Variants in KIAA1549L observed in about 807,000 individuals in gnomAD.
The protein encoded by KIAA1549L is UPF0606 protein KIAA1549L.
In KIAA1549L, 88 loss-of-function variants were observed where a neutral mutation model predicts 160.7. The ratio of observed to expected loss-of-function variants is 0.55; its 90% CI spans 0.46 to 0.65. The LOEUF is 0.65. KIAA1549L is among the 30% of genes least tolerant of loss of function. The pLI, the probability that KIAA1549L is intolerant of heterozygous loss-of-function variation, is 0.00. For missense variants in KIAA1549L, 2,258 were observed against 2,437.5 expected (o/e 0.93, Z 1.55); for synonymous variants, 950 against 976.7 (o/e 0.97, Z 0.51).
rs753056846 is a variant in KIAA1549L at position 33,660,885 on chromosome 11, C to T, written c.6030C>T (p.Phe2010=). The T allele has an allele frequency of 2.9e-5, 46 of 1,613,700 alleles. No individual in the cohort carries two copies. The highest frequency in any genetic ancestry group is 1.6e-4 in the Middle Eastern group (1 of 6,084). ...NYSGNTVPAV[F]AIPAANRPGF... ...CAGGTAATACGGTGCCAGCAGTGTT[C>T]GCCATCCCAGCTGCCAACAGACCTG... The change falls in exon 20 of 21, where the codon TTC becomes TTT. Residue 2010 remains phenylalanine (F), a synonymous_variant. Transcript: ENST00000658780.
intron 1 of KIAA1549L, among the ~76,000 whole-genome samples, chr11:33,423,701 T>G (rs1432999424): frequency 6.6e-6 from 1 of 152,178 alleles, no homozygotes; most frequent in African/African-American, 2.4e-5. Context: ...TTTATACAAG[T>G]GAGATCCAGA....
At chr11:33,541,482 A>C (rs532037682) in intron 1 of KIAA1549L, among the ~76,000 whole-genome samples, 2 of 152,270 alleles carry the variant, frequency 1.3e-5, no homozygotes, top group East Asian at 3.9e-4. Context: ...ATGGCAGTTG[A>C]CCACATTCAG....
In KIAA1549L at chr11:33,609,939, G is replaced by C; in HGVS notation, c.5252G>C (p.Cys1751Ser). 1 of 1,613,940 alleles carries C rather than the reference G, an allele frequency of 6.2e-7. No homozygotes were observed. The highest frequency in any genetic ancestry group is 8.5e-7 in the Non-Finnish European group (1 of 1,179,838). The change falls in exon 15 of 21, where the codon TGT becomes TCT. Residue 1751 changes from cysteine (C) to serine (S), a missense_variant. Transcript: ENST00000658780. ...EHVLDPDSEL[C>S]APFTESKNRQ... ...GTTTTGGATCCAGATTCAGAACTCTGTGCTCCATTCACCGAGTCTAAAAAC... is the reference window on the plus strand; with the variant it reads ...GTTTTGGATCCAGATTCAGAACTCTCTGCTCCATTCACCGAGTCTAAAAAC...
intron 1 of KIAA1549L, among the ~76,000 whole-genome samples, chr11:33,475,460 G>C (rs575971885): frequency 6.6e-6 from 1 of 151,974 alleles, no homozygotes; most frequent in Admixed American, 6.6e-5. Context: ...GGAAATCTGA[G>C]GTGGGAGGAT....
chr11:33,575,178 A>G (rs1855404277), intron 10 of KIAA1549L, among the ~76,000 whole-genome samples: 1 of 152,242 alleles, frequency 6.6e-6, no homozygotes, highest in Admixed American at 6.5e-5. Flanking sequence ...TGCCAGGGGA[A>G]TTAAAGATAA....
chr11:33,628,254 A>C (rs537444218), intron 16 of KIAA1549L, among the ~76,000 whole-genome samples: 1 of 152,048 alleles, frequency 6.6e-6, no homozygotes, highest in Non-Finnish European at 1.5e-5. Flanking sequence ...AAAAAAATGT[A>C]TATTCTGTTG....
intron 16 of KIAA1549L, among the ~76,000 whole-genome samples, chr11:33,624,938 G>A (rs533443839): frequency 7.7e-6 from 1 of 129,626 alleles, no homozygotes; most frequent in South Asian, 2.4e-4. Flanking sequence ...TCCCCAGAGT[G>A]TGATGTTCCC....
intron 1 of KIAA1549L, among the ~76,000 whole-genome samples, chr11:33,415,869 A>G (rs1850877529): frequency 6.6e-6 from 1 of 150,644 alleles, no homozygotes; most frequent in South Asian, 2.1e-4. Context: ...CAGTGGTGTG[A>G]TCTCGGCTCA....
rs56310347 is a variant in KIAA1549L, at chr11:33,633,139, CTTTTTTTTTTTTT to C, written c.5410-12528_5410-12516del. On this transcript the variant is annotated intron_variant, in intron 16 of 20. Transcript: ENST00000658780. ...GACAGGTGCCCACCACCATGCCCAG[CTTTTTTTTTTTTT>C]TTTTTTTTTTTTTTTTTTGTATTTT... Among the ~76,000 whole-genome samples the C allele has an allele frequency of 2.5e-3, 125 of 50,734 alleles. 3 individuals are homozygous for C. Among genetic ancestry groups the C allele is most frequent in the Middle Eastern group, 0.017 (1 of 58 alleles). The allele number at this position is 50,734 out of a possible 152,430, so 33.3% of individuals were successfully genotyped here. A position where few individuals can be genotyped will look rare whatever the true frequency, so the allele number is the denominator to read the frequency against.
chr11:33,658,890 A>G lies in KIAA1549L; in HGVS notation c.5999A>G (p.Asn2000Ser), dbSNP rs1852166306. 1.3e-6 allele frequency: 2 copies of G among 1,554,426 alleles called. No individual in the cohort carries two copies. Among genetic ancestry groups the G allele is most frequent in the Non-Finnish European group, 1.7e-6 (2 of 1,148,870 alleles). ...SVTQLDQSAL[N>S]YSGNTVPAVF... ...ACGCAGTTGGATCAGTCGGCTTTAAATTACTCAGGTGGGCAAGAGAAAAGC... is the reference window on the plus strand; with the variant it reads ...ACGCAGTTGGATCAGTCGGCTTTAAGTTACTCAGGTGGGCAAGAGAAAAGC... The change falls in exon 19 of 21, where the codon AAT becomes AGT. Residue 2000 changes from asparagine (N) to serine (S), a missense_variant. Asn to Ser is a conservative substitution (Grantham distance 46). Around this residue, in one of 6 missense-constraint regions of KIAA1549L, gnomAD observed 1,359 missense variants for 1,546.6 expected, o/e 0.88. Transcript: ENST00000658780.
At chr11:33,459,093 G>A (rs958424259) in intron 1 of KIAA1549L, among the ~76,000 whole-genome samples, 3 of 152,190 alleles carry the variant, frequency 2.0e-5, no homozygotes, top group Non-Finnish European at 2.9e-5. Context: ...TTTGTTGATG[G>A]ATTGTATTTA....
intron 1 of KIAA1549L, among the ~76,000 whole-genome samples, chr11:33,484,585 G>A (rs565990060): frequency 6.6e-5 from 10 of 152,244 alleles, no homozygotes; most frequent in East Asian, 1.9e-4. Context: ...CCCTAGAGTC[G>A]TTGTGAGAAT....
At chr11:33,627,291 T>A (rs1051966594) in intron 16 of KIAA1549L, among the ~76,000 whole-genome samples, 1 of 149,714 alleles carries the variant, frequency 6.7e-6, no homozygotes, top group African/African-American at 2.5e-5. Context: ...GAGGGAGGAT[T>A]CCCTCTTTTT....
At chr11:33,523,921 G>T (rs1853554422) in intron 1 of KIAA1549L, among the ~76,000 whole-genome samples, 1 of 151,846 alleles carries the variant, frequency 6.6e-6, no homozygotes, top group Non-Finnish European at 1.5e-5. Flanking sequence ...ATTTATTTAT[G>T]TACATATTTT....
chr11:33,560,874 C>T (rs1186877582), intron 7 of KIAA1549L, among the ~76,000 whole-genome samples: 2 of 152,100 alleles, frequency 1.3e-5, no homozygotes, highest in Admixed American at 6.5e-5. Flanking sequence ...CTTTTGTAAA[C>T]GTCCACATAA....
intron 1 of KIAA1549L, chr11:33,403,194 T>TGCAG (rs1850538111): frequency 9.7e-6 from 1 of 103,330 alleles, no homozygotes; most frequent in Non-Finnish European, 2.1e-5. Flanking sequence ...CACACAGACA[T>TGCAG]ACACAGACAC....
chr11:33,426,266 A>G (rs762823133), intron 1 of KIAA1549L, among the ~76,000 whole-genome samples: 3 of 152,228 alleles, frequency 2.0e-5, no homozygotes, highest in African/African-American at 4.8e-5. Flanking sequence ...GTAATTTTCT[A>G]TGAGTCTGAA....
chr11:33,595,788 A>G (rs1485209522), intron 12 of KIAA1549L, among the ~76,000 whole-genome samples: 1 of 152,170 alleles, frequency 6.6e-6, no homozygotes, highest in East Asian at 1.9e-4. Flanking sequence ...GGTCTGTTAG[A>G]TGATCCAAGA....
At chr11:33,525,156 A>G (rs2133134283) in intron 1 of KIAA1549L, among the ~76,000 whole-genome samples, 1 of 152,324 alleles carries the variant, frequency 6.6e-6, no homozygotes, top group East Asian at 1.9e-4. Context: ...CTACAGGAAC[A>G]TACCAGGAAA....
Sources: allele counts gnomAD v4.1 joint callset (sites outside exome capture counted in the v4.1 genomes callset), GRCh38; gene constraint gnomAD v4.1.1; regional missense constraint gnomAD v4.1.1; transcripts MANE v1.5; gene names NCBI Gene and HGNC (gene_info 2026-07-23, HGNC 2026-07-21).